Variants in STARD13 observed in about 807,000 individuals in gnomAD.
STARD13 encodes StAR related lipid transfer domain containing 13.
A neutral mutation model predicts 106.4 loss-of-function variants in STARD13; 62 were observed. That is an observed-to-expected ratio of 0.58 (90% CI 0.48 to 0.72). The LOEUF is 0.72. STARD13 is among the 30% of genes least tolerant of loss of function. The probability of loss-of-function intolerance (pLI) is 0.00; values close to 1 mark genes in which losing one functional copy is unlikely to be tolerated. For missense variants in STARD13, 1,387 were observed against 1,424.0 expected, an observed-to-expected ratio of 0.97 and a Z score of 0.42; for synonymous variants, 565 against 553.0, an observed-to-expected ratio of 1.02 and a Z score of -0.31.
upstream of STARD13, among the ~76,000 whole-genome samples, chr13:33,351,320 G>A (rs1264169299): frequency 6.6e-6 from 1 of 152,204 alleles, no homozygotes; most frequent in African/African-American, 2.4e-5. Flanking sequence ...TTATGAAGAA[G>A]TGAAATATGA....
rs540289903 is a variant in STARD13, at chr13:33,147,246, A to G, written c.324-4873T>C. On this transcript the variant is annotated intron_variant, in intron 3 of 13. Coordinates refer to ENST00000336934, the MANE Select transcript of STARD13 (RefSeq NM_178006.4). ...CCATAGGGGACTTAGAAAAGTTCCA[A>G]TGTATTCCTAGGAATCTAGAAGGCC... Among the ~76,000 whole-genome samples, 165 of 152,328 alleles carry G rather than the reference A, an allele frequency of 1.1e-3. 1 individual carries two copies. The highest frequency in any genetic ancestry group is 3.6e-3 in the African/African-American group (151 of 41,582).
At chr13:33,127,569 G>T (rs759331350) in intron 5 of STARD13, 23 bp from the exon 6 acceptor site, 2 of 1,516,756 alleles carry the variant, frequency 1.3e-6, no homozygotes, top group Admixed American at 2.2e-5. Context: ...GACCATCAGA[G>T]AAGCCAGTCA....
At chr13:33,143,136 C>T (rs540876119) in intron 3 of STARD13, among the ~76,000 whole-genome samples, 10 of 152,296 alleles carry the variant, frequency 6.6e-5, no homozygotes, top group South Asian at 4.1e-4. Context: ...CCTCCAGAAC[C>T]GTGAGAAAAT....
At chr13:33,634,729 A>G in the STARD13 span, among the ~76,000 whole-genome samples, 1 of 152,140 alleles carries the variant, frequency 6.6e-6, no homozygotes, top group African/African-American at 2.4e-5. Context: ...ATGCACACAC[A>G]CACAGTTTTC....
chr13:33,615,087 G>A, the STARD13 span, among the ~76,000 whole-genome samples: 2 of 152,184 alleles, frequency 1.3e-5, no homozygotes, highest in African/African-American at 4.8e-5. Flanking sequence ...CAAGAGAATA[G>A]GGTTAGAGAT....
In STARD13 at chr13:33,130,701, A is replaced by G. The variant is rs1211533375; in HGVS notation, c.388-412T>C. Among the ~76,000 whole-genome samples the G allele has an allele frequency of 1.3e-5, 2 of 152,202 alleles. No individual in the cohort carries two copies. Among genetic ancestry groups the G allele is most frequent in the Non-Finnish European group, 1.5e-5 (1 of 68,034 alleles). ...CCATAAAAGGCACTTACTTCTTTCC[A>G]GAAACCTCTTCACTGAGCCCCGGGG... is the stretch of plus-strand genomic sequence containing the variant. On this transcript the variant is annotated intron_variant, in intron 4 of 13. Coordinates refer to ENST00000336934, the MANE Select transcript of STARD13 (RefSeq NM_178006.4). The surrounding 1 kb of genome is among the most constrained non-coding windows in gnomAD (Gnocchi z 4.1).
chr13:33,255,098 TC>T (rs144734075), intron 1 of STARD13, among the ~76,000 whole-genome samples: 2,907 of 136,788 alleles, frequency 0.021, 94 homozygotes, highest in African/African-American at 0.072. Context: ...ATCTGTGTGC[TC>T]CCCCCCCCCT....
At chr13:33,500,337 AAATTAATTGTGCAATT>A in the STARD13 span, among the ~76,000 whole-genome samples, 7 of 152,200 alleles carry the variant, frequency 4.6e-5, no homozygotes, top group Non-Finnish European at 7.3e-5. Context: ...TTGACTTCTA[AAATTAATTGTGCAATT>A]TTTAAAAACA....
the STARD13 span, among the ~76,000 whole-genome samples, chr13:33,676,212 C>T: frequency 1.1e-4 from 16 of 152,278 alleles, no homozygotes; most frequent in South Asian, 2.1e-4. Context: ...TTAATCCCCT[C>T]CCATGCCTAA....
chr13:33,267,586 A>T (rs1283018748), intron 1 of STARD13, among the ~76,000 whole-genome samples: 3 of 152,242 alleles, frequency 2.0e-5, no homozygotes, highest in African/African-American at 7.2e-5. Context: ...GACACAGAGT[A>T]GCTACTTTAC....
intron 3 of STARD13, among the ~76,000 whole-genome samples, chr13:33,160,600 A>C (rs1332692499): frequency 6.6e-6 from 1 of 152,196 alleles, no homozygotes; most frequent in African/African-American, 2.4e-5. Context: ...AATAAGAAAA[A>C]CAATACAGTT....
chr13:33,563,910 G>A, the STARD13 span, among the ~76,000 whole-genome samples: 903 of 147,438 alleles, frequency 6.1e-3, 117 homozygotes, highest in African/African-American at 0.022. Flanking sequence ...AAAAGGGCAC[G>A]GCTGGGCACT....
At chr13:33,430,143 T>A in the STARD13 span, among the ~76,000 whole-genome samples, 1 of 152,174 alleles carries the variant, frequency 6.6e-6, no homozygotes, top group African/African-American at 2.4e-5. Context: ...GGTCTCGATC[T>A]CCTGACCTAG....
At chr13:33,127,612 A>T (rs1179182505) in intron 5 of STARD13, 66 bp from the exon 6 acceptor site, 23 of 1,461,900 alleles carry the variant, frequency 1.6e-5, no homozygotes, top group Middle Eastern at 2.4e-4. Context: ...AACACGGGAC[A>T]TCACCAAGGT....
the STARD13 span, among the ~76,000 whole-genome samples, chr13:33,575,227 T>A: frequency 6.6e-6 from 1 of 152,140 alleles, no homozygotes; most frequent in Non-Finnish European, 1.5e-5. Flanking sequence ...TACCTACGTA[T>A]TTTAAATATA....
chr13:33,301,552 CTTT>C, intron 1 of STARD13, among the ~76,000 whole-genome samples: 1 of 129,546 alleles, frequency 7.7e-6, no homozygotes, highest in Admixed American at 8.2e-5. Flanking sequence ...CCTTGAGTTT[CTTT>C]TTCTTTTTTT....
At chr13:33,554,557 T>A in the STARD13 span, among the ~76,000 whole-genome samples, 1 of 152,228 alleles carries the variant, frequency 6.6e-6, no homozygotes, top group Non-Finnish European at 1.5e-5. Context: ...ATAGTAAGTA[T>A]CAAATATCTG....
At chr13:33,291,048 A>G (rs1892273593) in intron 1 of STARD13, among the ~76,000 whole-genome samples, 1 of 152,238 alleles carries the variant, frequency 6.6e-6, no homozygotes, top group Non-Finnish European at 1.5e-5. Flanking sequence ...TACTACAGGC[A>G]TAAAGTTTTG....
chr13:33,344,354 A>G (rs1014529372), downstream of STARD13, among the ~76,000 whole-genome samples: 11 of 152,240 alleles, frequency 7.2e-5, no homozygotes, highest in Non-Finnish European at 1.6e-4. Context: ...ATCTCAAAAG[A>G]TGTTTAAAAA....
Sources: allele counts gnomAD v4.1 joint callset (sites outside exome capture counted in the v4.1 genomes callset), GRCh38; gene constraint gnomAD v4.1.1; non-coding constraint Gnocchi (gnomAD v3.1); transcripts MANE v1.5; gene names NCBI Gene and HGNC (gene_info 2026-07-23, HGNC 2026-07-21).